CPNE8: variants seen among roughly 807,000 people sequenced by gnomAD.
The protein encoded by CPNE8 is copine-8.
A neutral mutation model predicts 81.5 loss-of-function variants in CPNE8; 45 were observed. The observed-to-expected ratio is 0.55, with a 90% CI of 0.44 to 0.71. CPNE8 has a LOEUF of 0.71. CPNE8 is among the 30% of genes least tolerant of loss of function. The pLI, the probability that CPNE8 is intolerant of heterozygous loss-of-function variation, is 0.00. For synonymous variants in CPNE8, 252 were observed against 226.3 expected (o/e 1.11, Z -1.02); for missense variants, 594 against 672.1 (o/e 0.88, Z 1.28).
At chr12:38,656,120 CA>C (rs1050517889) in intron 19 of CPNE8, among the ~76,000 whole-genome samples, 2 of 145,074 alleles carry the variant, frequency 1.4e-5, no homozygotes, top group Admixed American at 6.8e-5. Context: ...AAACAAAAAA[CA>C]AAAAAAACAA....
At chr12:38,738,241 TGGG>T (rs1387877631) in intron 10 of CPNE8, among the ~76,000 whole-genome samples, 1 of 152,092 alleles carries the variant, frequency 6.6e-6, no homozygotes, top group Non-Finnish European at 1.5e-5. Context: ...CTTTCAAACA[TGGG>T]GGGAAAATGC....
At chr12:38,891,740 A>G (rs892291298) in intron 1 of CPNE8, among the ~76,000 whole-genome samples, 1 of 152,154 alleles carries the variant, frequency 6.6e-6, no homozygotes, top group African/African-American at 2.4e-5. Flanking sequence ...AGCCACCACA[A>G]CCAGCCAATA....
intron 7 of CPNE8, among the ~76,000 whole-genome samples, chr12:38,774,114 G>T (rs1399137714): frequency 1.3e-5 from 2 of 152,088 alleles, no homozygotes; most frequent in East Asian, 1.9e-4. Flanking sequence ...CCTGGTAAAA[G>T]AATTTTCCCG....
chr12:38,862,019 CTAA>C (rs1350977528), intron 3 of CPNE8, among the ~76,000 whole-genome samples: 1 of 152,046 alleles, frequency 6.6e-6, no homozygotes, highest in Non-Finnish European at 1.5e-5. Context: ...TCAAAGGGTA[CTAA>C]TATCACAAAA....
intron 6 of CPNE8, among the ~76,000 whole-genome samples, chr12:38,794,877 G>C (rs901549209): frequency 2.6e-5 from 4 of 152,170 alleles, no homozygotes; most frequent in East Asian, 1.9e-4. Context: ...AGTGGACTGA[G>C]AGAGGTAGAT....
chr12:38,785,253 C>T (rs142743676), intron 6 of CPNE8, among the ~76,000 whole-genome samples: 150 of 150,976 alleles, frequency 9.9e-4, no homozygotes, highest in Middle Eastern at 3.4e-3. Context: ...ACAAAACTCA[C>T]TGACTCACTG....
chr12:38,792,444 T>C (rs1942348087), intron 6 of CPNE8, among the ~76,000 whole-genome samples: 2 of 151,076 alleles, frequency 1.3e-5, no homozygotes. Context: ...AAGAATATTA[T>C]GAACAACTGC....
chr12:38,813,382 G>A (rs1007112039), intron 6 of CPNE8, among the ~76,000 whole-genome samples: 1 of 152,152 alleles, frequency 6.6e-6, no homozygotes, highest in African/African-American at 2.4e-5. Flanking sequence ...AAGAATGATA[G>A]AGGGGAAAAA....
chr12:38,689,163 CCCT>C (rs1473977137), intron 15 of CPNE8, among the ~76,000 whole-genome samples: 2 of 152,136 alleles, frequency 1.3e-5, no homozygotes, highest in Non-Finnish European at 2.9e-5. Flanking sequence ...TTTCATATTT[CCCT>C]CCTAATTAAC....
intron 5 of CPNE8, among the ~76,000 whole-genome samples, chr12:38,830,623 G>C (rs1407096946): frequency 6.6e-6 from 1 of 152,184 alleles, no homozygotes; most frequent in Admixed American, 6.5e-5. Flanking sequence ...ACACGACCAA[G>C]AAAATTCCTA....
chr12:38,826,247 G>C (rs1464042018), intron 6 of CPNE8, among the ~76,000 whole-genome samples: 2 of 152,144 alleles, frequency 1.3e-5, no homozygotes, highest in African/African-American at 4.8e-5. Context: ...ATGAAGGGCT[G>C]AATAAAATTT....
intron 6 of CPNE8, among the ~76,000 whole-genome samples, chr12:38,807,693 C>G (rs1313113098): frequency 1.3e-5 from 2 of 150,892 alleles, no homozygotes; most frequent in Admixed American, 1.3e-4. Context: ...TAGGCATGGG[C>G]AAGGACTTCA....
At chr12:38,832,658 G>A (rs907240763) in intron 5 of CPNE8, among the ~76,000 whole-genome samples, 2 of 151,986 alleles carry the variant, frequency 1.3e-5, no homozygotes, top group Non-Finnish European at 2.9e-5. Flanking sequence ...TACAGGTACC[G>A]TACATTTTGC....
chr12:38,772,523 A>G (rs1191444672), intron 7 of CPNE8, among the ~76,000 whole-genome samples: 1 of 152,234 alleles, frequency 6.6e-6, no homozygotes, highest in African/African-American at 2.4e-5. Context: ...AAGGTGCTCA[A>G]CATCACCAAT....
Position 38,881,908 on chromosome 12 carries a change from G to GA in CPNE8, c.99-7398dup, listed in dbSNP as rs566534874. On this transcript the variant is annotated intron_variant, in intron 1 of 19. Transcript: ENST00000331366. ...CATGTTTATGCTTTAAAAAAATGGA[G>GA]AAAAAAAAGAGACTGAGAGCAGGAT... 1.4e-4 allele frequency among the ~76,000 whole-genome samples: 22 copies of GA among 151,900 alleles called. 1 individual carries two copies. The highest frequency in any genetic ancestry group is 3.4e-3 in the Middle Eastern group (1 of 294).
chr12:38,811,468 C>T (rs1487537634), intron 6 of CPNE8, among the ~76,000 whole-genome samples: 1 of 152,032 alleles, frequency 6.6e-6, no homozygotes, highest in African/African-American at 2.4e-5. Flanking sequence ...GCAAAAAAAT[C>T]AAGTCACAAA....
At chr12:38,774,466 A>C (rs1941879923) in intron 7 of CPNE8, among the ~76,000 whole-genome samples, 1 of 152,066 alleles carries the variant, frequency 6.6e-6, no homozygotes, top group Non-Finnish European at 1.5e-5. Flanking sequence ...GTATCATTTT[A>C]ACTAAAAAAA....
chr12:38,833,073 C>A (rs191433521), intron 5 of CPNE8, among the ~76,000 whole-genome samples: 13 of 152,142 alleles, frequency 8.5e-5, no homozygotes, highest in African/African-American at 3.1e-4. Context: ...TTTGGCTACA[C>A]CAGGAGCAGT....
chr12:38,839,999 C>T lies in CPNE8; in HGVS notation c.291-44G>A, dbSNP rs373374957. 14 of 1,511,266 alleles carry T rather than the reference C, an allele frequency of 9.3e-6. No homozygotes were observed. In the African/African-American group the frequency reaches 1.8e-4, roughly 20 times the overall value. The allele number at this position is 1,511,266 out of a possible 1,614,324, so 93.6% of individuals were successfully genotyped here. A position where few individuals can be genotyped will look rare whatever the true frequency, so the allele number is the denominator to read the frequency against. On this transcript the variant is annotated intron_variant, in intron 4 of 19. Transcript: ENST00000331366. Reference sequence around the variant, plus strand: ...AAACTCAAATTATTTCCACAAAATACAGCTAGAAAAAAAACCAGTATTTTC... The same window carrying T: ...AAACTCAAATTATTTCCACAAAATATAGCTAGAAAAAAAACCAGTATTTTC...
Sources: gnomAD v4.1 joint callset for allele counts (sites outside exome capture counted in the v4.1 genomes callset) on GRCh38, gnomAD v4.1.1 for gene constraint, MANE v1.5 for transcripts, NCBI Gene and HGNC (gene_info 2026-07-23, HGNC 2026-07-21) for gene names.